Variants in P2RY8 observed in about 807,000 individuals in gnomAD.
P2RY8 encodes P2Y receptor family member 8, also known as S-geranylgeranyl-glutathione receptor P2RY8.
In P2RY8, 6 loss-of-function variants were observed where a neutral mutation model predicts 10.0. The ratio of observed to expected loss-of-function variants is 0.60; its 90% CI spans 0.33 to 1.19. The LOEUF (loss-of-function observed/expected upper bound fraction) is 1.19. P2RY8 is among the 50% of genes most tolerant of loss of function. P2RY8 has a pLI of 0.04. For missense variants in P2RY8, 456 were observed against 542.0 expected, an observed-to-expected ratio of 0.84 and a Z score of 1.58; for synonymous variants, 276 against 252.5, an observed-to-expected ratio of 1.09 and a Z score of -0.88.
intron 1 of P2RY8, among the ~76,000 whole-genome samples, chrX:1,514,032 A>G (rs1221192572): frequency 3.3e-5 from 5 of 152,182 alleles, no homozygotes; most frequent in African/African-American, 1.2e-4. Flanking sequence ...GCATGGTCCT[A>G]TCTTTTGCAG....
chrX:1,495,461 A>C (rs5948915), intron 1 of P2RY8, among the ~76,000 whole-genome samples: 91,168 of 150,836 alleles, frequency 0.6, 28,724 homozygotes, highest in Admixed American at 0.73. Context: ...GAGGGACGAC[A>C]CTGTGAGGAC....
At chrX:1,522,128 AT>A (rs2092397438) in intron 1 of P2RY8, among the ~76,000 whole-genome samples, 1 of 149,090 alleles carries the variant, frequency 6.7e-6, no homozygotes, top group African/African-American at 2.5e-5. Flanking sequence ...AATTTTTTGT[AT>A]TTTTAGTAGA....
In P2RY8 at chrX:1,464,845, G is replaced by A. The variant is rs1179186772; in HGVS notation, c.*634C>T. The A allele has an allele frequency of 2.1e-5, 5 of 233,464 alleles. No individual in the cohort carries two copies. The highest frequency in any genetic ancestry group is 1.1e-4 in the Admixed American group (2 of 17,802). The allele number at this position is 233,464 out of a possible 1,614,324, so 14.5% of individuals were successfully genotyped here. On this transcript the variant is annotated 3_prime_UTR_variant, in exon 2 of 2. Transcript: ENST00000381297. ...TAGCTGACTTGCAGGAGCCCCAGGC[G>A]CTCCTCTGAAAGAAGAATTCCAACC...
chrX:1,477,298 T>TCAATCAGA (rs1556675970), intron 1 of P2RY8, among the ~76,000 whole-genome samples: 1 of 151,844 alleles, frequency 6.6e-6, no homozygotes, highest in African/African-American at 2.4e-5. Context: ...TCTATCTATA[T>TCAATCAGA]CAATCGTCTT....
Position 1,509,374 on chromosome X carries a change from TTCTATCTATCTATCTA to T in P2RY8, c.-25+27531_-25+27546del, listed in dbSNP as rs779648095. On this transcript the variant is annotated intron_variant, in intron 1 of 1. Coordinates refer to ENST00000381297, the MANE Select transcript of P2RY8 (RefSeq NM_178129.5). ...ATCCATCCATCCATCCATCCATCTA[TTCTATCTATCTATCTA>T]TCTATCTATCTATCTATCTATCTAT... Among the ~76,000 whole-genome samples the T allele has an allele frequency of 3.1e-3, 401 of 131,184 alleles. No homozygotes were observed. The Middle Eastern group carries it at 0.071, about 23-fold the overall frequency. 86.1% of individuals were successfully genotyped at this position (131,184 alleles called of 152,430 possible). A position where few individuals can be genotyped will look rare whatever the true frequency, so the allele number is the denominator to read the frequency against.
At chrX:1,508,998 G>C (rs2092263357) in intron 1 of P2RY8, among the ~76,000 whole-genome samples, 1 of 108,024 alleles carries the variant, frequency 9.3e-6, no homozygotes, top group African/African-American at 3.9e-5. Flanking sequence ...TATCCTGTAT[G>C]TGTTCATCCA....
chrX:1,482,480 G>T (rs780473341), intron 1 of P2RY8, among the ~76,000 whole-genome samples: 7 of 152,050 alleles, frequency 4.6e-5, no homozygotes, highest in African/African-American at 9.7e-5. Context: ...TGACAGGAAG[G>T]TTCGCAGGCT....
At chrX:1,472,364 ATGGATGGATGGGTGGG>A (rs2091798646) in intron 1 of P2RY8, among the ~76,000 whole-genome samples, 1 of 149,758 alleles carries the variant, frequency 6.7e-6, no homozygotes, top group Admixed American at 6.7e-5. Context: ...GGATGAATAA[ATGGATGGATGGGTGGG>A]TGGATGGATG....
In P2RY8 at chrX:1,463,871, C is replaced by T. The variant is rs2091623685; in HGVS notation, c.*1608G>A. The T allele has an allele frequency of 4.3e-6, 1 of 233,154 alleles. No homozygotes were observed. Among genetic ancestry groups the T allele is most frequent in the Admixed American group, 5.6e-5 (1 of 17,764 alleles). 14.4% of individuals were successfully genotyped at this position (233,154 alleles called of 1,614,324 possible). A position where few individuals can be genotyped will look rare whatever the true frequency, so the allele number is the denominator to read the frequency against. ...CTCTCATAGGGACACTGGATTGGGC[C>T]CATTGTAAATGCAGTATGGCCTCGC... is the stretch of plus-strand genomic sequence containing the variant. On this transcript the variant is annotated 3_prime_UTR_variant, in exon 2 of 2. Coordinates refer to ENST00000381297, the MANE Select transcript of P2RY8 (RefSeq NM_178129.5).
intron 1 of P2RY8, among the ~76,000 whole-genome samples, chrX:1,495,776 G>C: frequency 8.6e-6 from 1 of 116,146 alleles, no homozygotes; most frequent in South Asian, 2.7e-4. Flanking sequence ...CCCATACCTG[G>C]ATCTCAGACC....
At chrX:1,500,479 C>G (rs1356406408) in intron 1 of P2RY8, among the ~76,000 whole-genome samples, 1 of 151,880 alleles carries the variant, frequency 6.6e-6, no homozygotes, top group Admixed American at 6.6e-5. Context: ...GAGTCTCACT[C>G]TGTCATCTAG....
In P2RY8 at chrX:1,466,439, G is replaced by A; in HGVS notation, c.120C>T (p.Gly40=). ...YSLVAAVSIP[G]NLFSLWVLCR... is the part of the protein sequence containing the mutation. Reference sequence around the variant, plus strand: ...ACAGCACCCACAGAGAGAAGAGGTTGCCCGGGATGCTGACCGCCGCCACCA... The same window carrying A: ...ACAGCACCCACAGAGAGAAGAGGTTACCCGGGATGCTGACCGCCGCCACCA... Residue 40 remains glycine, a synonymous_variant, in exon 2 of 2, where the codon GGC becomes GGT. Transcript: ENST00000381297. 1 of 1,612,840 alleles carries A rather than the reference G, an allele frequency of 6.2e-7. No homozygotes were observed. Among genetic ancestry groups the A allele is most frequent in the Non-Finnish European group, 8.5e-7 (1 of 1,179,834 alleles).
At chrX:1,476,928 C>T (rs1308117693) in intron 1 of P2RY8, among the ~76,000 whole-genome samples, 1 of 151,996 alleles carries the variant, frequency 6.6e-6, no homozygotes, top group African/African-American at 2.4e-5. Flanking sequence ...GTGGCTCACA[C>T]CTGTAATCTC....
At chrX:1,513,005 T>A (rs2092310426) in intron 1 of P2RY8, among the ~76,000 whole-genome samples, 1 of 152,036 alleles carries the variant, frequency 6.6e-6, no homozygotes, top group African/African-American at 2.4e-5. Flanking sequence ...TTTGTCCTAA[T>A]GCTCTCCCTC....
At chrX:1,488,661 T>C (rs2092009537) in intron 1 of P2RY8, among the ~76,000 whole-genome samples, 1 of 152,066 alleles carries the variant, frequency 6.6e-6, no homozygotes, top group African/African-American at 2.4e-5. Context: ...ACCAGGTACC[T>C]GCTGCAAACT....
At position 1,465,019 on chromosome X, in the gene P2RY8, C is replaced by G. The variant is rs182232088; in HGVS notation, c.*460G>C. 1.9e-4 allele frequency: 48 copies of G among 253,568 alleles called. No homozygotes were observed. The highest frequency in any genetic ancestry group is 1.0e-3 in the African/African-American group (48 of 45,874). The allele number at this position is 253,568 out of a possible 1,614,324, so 15.7% of individuals were successfully genotyped here. A position where few individuals can be genotyped will look rare whatever the true frequency, so the allele number is the denominator to read the frequency against. On this transcript the variant is annotated 3_prime_UTR_variant, in exon 2 of 2. Coordinates refer to ENST00000381297, the MANE Select transcript of P2RY8 (RefSeq NM_178129.5). ...AGGGAGAAGAGCTGGGAATGGGGCT[C>G]GCAGTTCGCCCACGGAGGATATCCA...
chrX:1,463,381 C>T lies in P2RY8; in HGVS notation c.*2098G>A, dbSNP rs1435043629. 2 of 232,664 alleles carry T rather than the reference C, an allele frequency of 8.6e-6. No homozygotes were observed. Among genetic ancestry groups the T allele is most frequent in the Non-Finnish European group, 1.7e-5 (2 of 117,776 alleles). The allele number at this position is 232,664 out of a possible 1,614,324, so 14.4% of individuals were successfully genotyped here. A position where few individuals can be genotyped will look rare whatever the true frequency, so the allele number is the denominator to read the frequency against. On this transcript the variant is annotated 3_prime_UTR_variant, in exon 2 of 2. Coordinates refer to ENST00000381297, the MANE Select transcript of P2RY8 (RefSeq NM_178129.5). ...CCCCCTGGAGGCTCTAGGGGAGGAT[C>T]CTTCCTGCCTCTCCCAGCTCCTGGG... is the stretch of plus-strand genomic sequence containing the variant.
intron 1 of P2RY8, among the ~76,000 whole-genome samples, chrX:1,522,175 G>A (rs767344961): frequency 6.6e-6 from 1 of 150,396 alleles, no homozygotes; most frequent in Admixed American, 6.6e-5. Context: ...GGCTAGTCTC[G>A]AACCCCTGAC....
In P2RY8 at chrX:1,465,307, T is replaced by A. The variant is rs1337799612; in HGVS notation, c.*172A>T. ...AAGCCTGGAGACCCTTCCTCACCGGTGCCTCTGCAGTGCCTGGGAGGAATA... is the reference window on the plus strand; with the variant it reads ...AAGCCTGGAGACCCTTCCTCACCGGAGCCTCTGCAGTGCCTGGGAGGAATA... On this transcript the variant is annotated 3_prime_UTR_variant, in exon 2 of 2. Coordinates refer to ENST00000381297, the MANE Select transcript of P2RY8 (RefSeq NM_178129.5). The A allele has an allele frequency of 1.9e-6, 2 of 1,067,604 alleles. No individual in the cohort carries two copies. Among genetic ancestry groups the A allele is most frequent in the Non-Finnish European group, 2.6e-6 (2 of 762,724 alleles). The allele number at this position is 1,067,604 out of a possible 1,614,324, so 66.1% of individuals were successfully genotyped here. A position where few individuals can be genotyped will look rare whatever the true frequency, so the allele number is the denominator to read the frequency against.
Sources: allele counts gnomAD v4.1 joint callset (sites outside exome capture counted in the v4.1 genomes callset), GRCh38; gene constraint gnomAD v4.1.1; transcripts MANE v1.5; gene names NCBI Gene and HGNC (gene_info 2026-07-23, HGNC 2026-07-21).